The following WWOX variants were observed in gnomAD, a reference collection of about 807,000 sequenced individuals.
The protein encoded by WWOX is WW domain-containing oxidoreductase.
Under a neutral mutation model 46.2 loss-of-function variants are expected in WWOX, and 69 were observed. The ratio of observed to expected loss-of-function variants is 1.49; its 90% CI spans 1.23 to 1.82. The LOEUF is 1.82. Ranked by LOEUF, WWOX falls within the 40% of genes most tolerant of loss-of-function variation. WWOX has a pLI of 0.00. For synonymous variants in WWOX, 359 were observed against 202.6 expected, an observed-to-expected ratio of 1.77 and a Z score of -6.56; for missense variants, 919 against 542.6, an observed-to-expected ratio of 1.69 and a Z score of -6.89.
chr16:79,002,659 C>G (rs555791912), intron 8 of WWOX, among the ~76,000 whole-genome samples: 2 of 152,312 alleles, frequency 1.3e-5, no homozygotes, highest in African/African-American at 2.4e-5. Context: ...CTTGTGTGAT[C>G]TGATTTAATC....
chr16:78,238,019 C>G (rs2037499766), intron 5 of WWOX: 1 of 152,182 alleles, frequency 6.6e-6, no homozygotes, highest in South Asian at 2.1e-4. Context: ...AGTGATGTGG[C>G]TGTTTGGAGC....
At chr16:78,765,650 G>T (rs1046013860) in intron 8 of WWOX, among the ~76,000 whole-genome samples, 2 of 152,094 alleles carry the variant, frequency 1.3e-5, no homozygotes, top group Admixed American at 6.6e-5. Context: ...CTGCACTGCA[G>T]CTTGGGAAAC....
chr16:78,990,299 C>G (rs1301769781), intron 8 of WWOX, among the ~76,000 whole-genome samples: 2 of 152,062 alleles, frequency 1.3e-5, no homozygotes, highest in African/African-American at 4.8e-5. Flanking sequence ...TGAAGCCTGA[C>G]TGTGCATTGG....
At chr16:78,559,659 G>C (rs918455965) in intron 8 of WWOX, among the ~76,000 whole-genome samples, 8 of 152,098 alleles carry the variant, frequency 5.3e-5, no homozygotes, top group African/African-American at 1.9e-4. Context: ...TGTGTATTCC[G>C]GGAGGATTTT....
At chr16:78,695,893 A>G (rs1207325674) in intron 8 of WWOX, among the ~76,000 whole-genome samples, 1 of 152,228 alleles carries the variant, frequency 6.6e-6, no homozygotes, top group Non-Finnish European at 1.5e-5. Flanking sequence ...GAATTAGACC[A>G]GGGGTTCTCA....
intron 8 of WWOX, among the ~76,000 whole-genome samples, chr16:78,752,784 A>G (rs2049518571): frequency 1.3e-5 from 2 of 152,334 alleles, no homozygotes; most frequent in Middle Eastern, 3.4e-3. Context: ...GTAGTCTCCA[A>G]TAAATTTAAT....
intron 5 of WWOX, among the ~76,000 whole-genome samples, chr16:78,281,812 A>G (rs2079684192): frequency 6.6e-6 from 1 of 152,118 alleles, no homozygotes; most frequent in Non-Finnish European, 1.5e-5. Context: ...CAGCGGTTAT[A>G]GTTTGCCAAC....
chr16:78,855,452 C>A (rs373739952), intron 8 of WWOX, among the ~76,000 whole-genome samples: 5 of 152,152 alleles, frequency 3.3e-5, no homozygotes. Context: ...CTGAAAGGCA[C>A]CACCTATCTT....
intron 5 of WWOX, among the ~76,000 whole-genome samples, chr16:78,373,527 C>A (rs2081745377): frequency 6.6e-6 from 1 of 152,128 alleles, no homozygotes; most frequent in African/African-American, 2.4e-5. Context: ...GGAAATGTGG[C>A]TTTCTGTCTA....
chr16:79,208,754 G>A (rs1433408485), intron 8 of WWOX, among the ~76,000 whole-genome samples: 1 of 152,108 alleles, frequency 6.6e-6, no homozygotes, highest in Non-Finnish European at 1.5e-5. Flanking sequence ...AAAAGCTGGT[G>A]AGCCAAAAAT....
chr16:78,579,864 C>T (rs2941935), intron 8 of WWOX, among the ~76,000 whole-genome samples: 55 of 151,968 alleles, frequency 3.6e-4, no homozygotes, highest in Middle Eastern at 3.4e-3. Context: ...GAGGCTGCCT[C>T]GAAGACTCAC....
At chr16:78,329,608 A>G (rs2080710610) in intron 5 of WWOX, among the ~76,000 whole-genome samples, 1 of 152,228 alleles carries the variant, frequency 6.6e-6, no homozygotes, top group African/African-American at 2.4e-5. Flanking sequence ...CAACCTATGT[A>G]AAATATAGCA....
chr16:78,670,209 G>A (rs560535639), intron 8 of WWOX, among the ~76,000 whole-genome samples: 89 of 152,238 alleles, frequency 5.8e-4, no homozygotes, highest in Admixed American at 9.2e-4. Context: ...AACCACAGCT[G>A]GAGTTTAGGA....
At chr16:78,480,219 G>A (rs1022389935) in intron 8 of WWOX, among the ~76,000 whole-genome samples, 3 of 152,146 alleles carry the variant, frequency 2.0e-5, no homozygotes, top group African/African-American at 4.8e-5. Context: ...AGCCAGATGT[G>A]GTTATTGGCT....
chr16:79,008,394 G>A (rs555361316), intron 8 of WWOX, among the ~76,000 whole-genome samples: 1 of 152,260 alleles, frequency 6.6e-6, no homozygotes, highest in African/African-American at 2.4e-5. Flanking sequence ...CTGCGTTCAG[G>A]CCTCCATGAC....
intron 8 of WWOX, among the ~76,000 whole-genome samples, chr16:78,474,432 T>C (rs2151438284): frequency 6.6e-6 from 1 of 152,350 alleles, no homozygotes; most frequent in East Asian, 1.9e-4. Context: ...AGCTTAAATG[T>C]CTCATTTGTC....
chr16:78,177,223 C>T (rs1356906716), intron 5 of WWOX, among the ~76,000 whole-genome samples: 2 of 152,144 alleles, frequency 1.3e-5, no homozygotes, highest in African/African-American at 2.4e-5. Context: ...CCCAGTTTAC[C>T]AAGTAGCTCC....
intron 8 of WWOX, among the ~76,000 whole-genome samples, chr16:78,626,468 A>T (rs759148176): frequency 2.6e-5 from 4 of 152,124 alleles, no homozygotes; most frequent in Non-Finnish European, 5.9e-5. Flanking sequence ...TTTTCTCATG[A>T]GTTTACTGGA....
In WWOX at chr16:78,348,860, G is replaced by A. The variant is rs1335262915; in HGVS notation, c.517-38000G>A. On this transcript the variant is annotated intron_variant, in intron 5 of 8. Transcript: ENST00000566780. ...AAAGAAAGACTTGTATCTGTTGTTA[G>A]TGAGTTTTTGTGGTGGTGATACATT... Among the ~76,000 whole-genome samples, 4 of 119,868 alleles carry A rather than the reference G, an allele frequency of 3.3e-5. 1 individual carries two copies. The highest frequency in any genetic ancestry group is 1.6e-4 in the Admixed American group (2 of 12,236). The allele number at this position is 119,868 out of a possible 152,430, so 78.6% of individuals were successfully genotyped here. A position where few individuals can be genotyped will look rare whatever the true frequency, so the allele number is the denominator to read the frequency against.
Sources: gnomAD v4.1 joint callset for allele counts (sites outside exome capture counted in the v4.1 genomes callset) on GRCh38, gnomAD v4.1.1 for gene constraint, MANE v1.5 for transcripts, NCBI Gene and HGNC (gene_info 2026-07-23, HGNC 2026-07-21) for gene names.